Variants in COL11A1 observed in about 807,000 individuals in gnomAD.
COL11A1 encodes the protein collagen type XI alpha 1 chain, also known as collagen alpha-1(XI) chain.
COL11A1 carries 74 observed loss-of-function variants against 265.2 expected under a neutral mutation model. That is an observed-to-expected ratio of 0.28 (90% confidence interval 0.23 to 0.34). The LOEUF is 0.34. COL11A1 is among the 10% of genes least tolerant of loss of function. The pLI, the probability that COL11A1 is intolerant of heterozygous loss-of-function variation, is 1.00. For synonymous variants in COL11A1, 816 were observed against 727.6 expected (o/e 1.12, Z -1.96); for missense variants, 2,165 against 2,263.6 (o/e 0.96, Z 0.88).
At chr1:102,933,928 A>G (rs1483715211) in intron 46 of COL11A1, among the ~76,000 whole-genome samples, 1 of 152,116 alleles carries the variant, frequency 6.6e-6, no homozygotes, top group Non-Finnish European at 1.5e-5. Flanking sequence ...AAGTGAGGCA[A>G]TGCCTGGCCC....
chr1:103,006,486 G>T (rs1463159286), intron 15 of COL11A1, among the ~76,000 whole-genome samples, 171 bp from the exon 16 acceptor site: 1 of 143,884 alleles, frequency 7.0e-6, no homozygotes, highest in Non-Finnish European at 1.5e-5. Flanking sequence ...AAGACAAAAG[G>T]TTCATATCAA....
chr1:103,044,120 T>G (rs1216064433), intron 4 of COL11A1, among the ~76,000 whole-genome samples: 1 of 151,652 alleles, frequency 6.6e-6, no homozygotes, highest in Admixed American at 6.6e-5. Context: ...CTATGCTTCC[T>G]GTCTACTTAG....
chr1:102,978,759 C>T lies in COL11A1; in HGVS notation c.2710-7G>A. On this transcript the variant is annotated splice_polypyrimidine_tract_variant and splice_region_variant and intron_variant, in intron 34 of 66. Coordinates refer to ENST00000370096, the MANE Select transcript of COL11A1 (RefSeq NM_001854.4). ...CATCGCCACCTGAAGTGCCCTGGCA[C>T]CAAGAAAAGAAAAGAAAAATCAGTT... The T allele has an allele frequency of 6.2e-7, 1 of 1,614,076 alleles. No homozygotes were observed. The highest frequency in any genetic ancestry group is 8.5e-7 in the Non-Finnish European group (1 of 1,179,984).
chr1:103,046,906 A>C (rs528423477), intron 4 of COL11A1, among the ~76,000 whole-genome samples: 1 of 152,274 alleles, frequency 6.6e-6, no homozygotes, highest in South Asian at 2.1e-4. Flanking sequence ...GTCAAAGATC[A>C]GATAGCTGTA....
At chr1:103,104,382 C>T (rs928283824) in intron 1 of COL11A1, among the ~76,000 whole-genome samples, 6 of 152,032 alleles carry the variant, frequency 3.9e-5, no homozygotes, top group African/African-American at 1.4e-4. Flanking sequence ...TTAAGGATAA[C>T]TTAACATGAA....
At chr1:102,978,983 A>G in intron 33 of COL11A1, 70 bp from the exon 34 acceptor site, 1 of 1,609,588 alleles carries the variant, frequency 6.2e-7, no homozygotes, top group East Asian at 2.2e-5. Context: ...ATCAATTTTT[A>G]TTTTTGAAAA....
rs1652775348 is a variant in COL11A1 at position 102,898,768 on chromosome 1, T to C, written c.4146A>G (p.Glu1382=). The C allele has an allele frequency of 6.2e-7, 1 of 1,612,742 alleles. No homozygotes were observed. The highest frequency in any genetic ancestry group is 8.5e-7 in the Non-Finnish European group (1 of 1,179,218). ...GRQGEKGAKG[E]AGAEGPPGKT... ...TTCCAGGAGGACCTTCTGCACCTGCTTCCCCCTGTTAGAAAGTAAAATATG... is the reference window on the plus strand; with the variant it reads ...TTCCAGGAGGACCTTCTGCACCTGCCTCCCCCTGTTAGAAAGTAAAATATG... The change falls in exon 56 of 67, where the codon GAA becomes GAG. Residue 1382 remains glutamate, a synonymous_variant. Coordinates refer to ENST00000370096, the MANE Select transcript of COL11A1 (RefSeq NM_001854.4).
rs76182322 is a variant in COL11A1, at chr1:103,091,476, C to G, written c.107-8504G>C. ...AGATGTTTGACTTGTATGCTACAATCTAATCTTTGTAGTCAACACAAGTGC... is the reference window on the plus strand; with the variant it reads ...AGATGTTTGACTTGTATGCTACAATGTAATCTTTGTAGTCAACACAAGTGC... On this transcript the variant is annotated intron_variant, in intron 1 of 66. Coordinates refer to ENST00000370096, the MANE Select transcript of COL11A1 (RefSeq NM_001854.4). Among the ~76,000 whole-genome samples, 108 of 152,104 alleles carry G rather than the reference C, an allele frequency of 7.1e-4. 1 individual carries two copies. The highest frequency in any genetic ancestry group is 2.4e-3 in the African/African-American group (100 of 41,538).
intron 49 of COL11A1, among the ~76,000 whole-genome samples, chr1:102,918,061 T>C (rs115730567): frequency 3.3e-5 from 5 of 151,590 alleles, no homozygotes; most frequent in African/African-American, 1.2e-4. Flanking sequence ...AGACTAATGT[T>C]ATATAAATTA....
At chr1:103,016,086 G>T (rs1354627987) in intron 11 of COL11A1, among the ~76,000 whole-genome samples, 2 of 151,944 alleles carry the variant, frequency 1.3e-5, no homozygotes, top group Non-Finnish European at 2.9e-5. Context: ...CTTACAGTTA[G>T]ATAAAAACAG....
At chr1:102,905,675 T>G (rs1327327161) in intron 54 of COL11A1, among the ~76,000 whole-genome samples, 2 of 152,180 alleles carry the variant, frequency 1.3e-5, no homozygotes, top group Non-Finnish European at 2.9e-5. Context: ...GTCATGAGTT[T>G]AAATGCTTCT....
At chr1:102,897,407 T>A (rs536528451) in intron 57 of COL11A1, among the ~76,000 whole-genome samples, 1 of 151,538 alleles carries the variant, frequency 6.6e-6, no homozygotes, top group South Asian at 2.1e-4. Flanking sequence ...TATTACTGGA[T>A]AATGACACTC....
At chr1:103,027,425 A>G (rs1430604353) in intron 5 of COL11A1, among the ~76,000 whole-genome samples, 4 of 131,604 alleles carry the variant, frequency 3.0e-5, no homozygotes, top group African/African-American at 5.7e-5. Context: ...ATATATATAT[A>G]TATATATATA....
At chr1:103,012,750 C>G (rs1194096919) in intron 13 of COL11A1, among the ~76,000 whole-genome samples, 1 of 152,128 alleles carries the variant, frequency 6.6e-6, no homozygotes, top group Non-Finnish European at 1.5e-5. Flanking sequence ...TTTAGAACAA[C>G]TAATATCTGA....
intron 51 of COL11A1, 46 bp downstream of exon 51, chr1:102,914,657 GT>G: frequency 7.2e-7 from 1 of 1,390,992 alleles, no homozygotes; most frequent in Non-Finnish European, 1.0e-6. Context: ...AAGCTCCAAG[GT>G]GAGTTTGGCA....
intron 4 of COL11A1, among the ~76,000 whole-genome samples, chr1:103,069,623 T>A (rs1322339791): frequency 1.3e-5 from 2 of 151,832 alleles, no homozygotes; most frequent in Non-Finnish European, 2.9e-5. Context: ...GCAAGTCACA[T>A]ACTGGAAAAA....
intron 4 of COL11A1, 106 bp from the exon 5 acceptor site, chr1:103,031,350 A>G (rs1217894285): frequency 1.5e-6 from 2 of 1,343,928 alleles, no homozygotes; most frequent in African/African-American, 2.9e-5. Context: ...TATTTGAAGA[A>G]GAAAAATGAC....
At position 103,065,237 on chromosome 1, in the gene COL11A1, T is replaced by C. The variant is rs1012721820; in HGVS notation, c.651+9381A>G. On this transcript the variant is annotated intron_variant, in intron 4 of 66. Transcript: ENST00000370096. ...GATTGTTTATTAACAACAACAGCAA[T>C]TGGCCGGGCACGGTGGCTCACGCCT... is the stretch of plus-strand genomic sequence containing the variant. 5.3e-5 allele frequency among the ~76,000 whole-genome samples: 8 copies of C among 152,054 alleles called. No homozygotes were observed. The East Asian group carries it at 7.7e-4, about 15-fold the overall frequency.
At position 102,996,011 on chromosome 1, in the gene COL11A1, T is replaced by C. The variant is rs1164609841; in HGVS notation, c.2273A>G (p.Tyr758Cys). The C allele has an allele frequency of 3.1e-6, 5 of 1,613,256 alleles. No homozygotes were observed. Among genetic ancestry groups the C allele is most frequent in the Non-Finnish European group, 3.4e-6 (4 of 1,179,584 alleles). The change falls in exon 27 of 67, where the codon TAC (tyrosine) becomes TGC (cysteine). Residue 758 changes from tyrosine (Y) to cysteine (C), a missense_variant. By Grantham distance (194) the Tyr-to-Cys change is radical (BLOSUM62 -2). Coordinates refer to ENST00000370096, the MANE Select transcript of COL11A1 (RefSeq NM_001854.4). The stretch of plus-strand genomic sequence containing the variant: ...TACCTTTACTCCCCGGGGGCCCGGG[T>C]ATCCAATAGGACCTTGTGGACCAGG... ...GPPGPQGPIG[Y>C]PGPRGVKGAD...
Sources: gnomAD v4.1 joint callset for allele counts (sites outside exome capture counted in the v4.1 genomes callset) on GRCh38, gnomAD v4.1.1 for gene constraint, MANE v1.5 for transcripts, NCBI Gene and HGNC (gene_info 2026-07-23, HGNC 2026-07-21) for gene names.